Variants in ZNF215 observed in about 807,000 individuals in gnomAD.
The protein encoded by ZNF215 is BWSCR2-associated zinc finger protein 2.
Under a neutral mutation model 27.2 loss-of-function variants are expected in ZNF215, and 24 were observed. That is an observed-to-expected ratio of 0.88 (90% CI 0.64 to 1.24). ZNF215 has a LOEUF of 1.24. ZNF215 is among the 50% of genes most tolerant of loss of function. ZNF215 has a pLI of 0.00. For synonymous variants in ZNF215, 210 were observed against 204.0 expected, an observed-to-expected ratio of 1.03 and a Z score of -0.25; for missense variants, 675 against 605.7, an observed-to-expected ratio of 1.11 and a Z score of -1.20.
intron 2 of ZNF215, among the ~76,000 whole-genome samples, chr11:6,930,512 C>G (rs1210028242): frequency 6.6e-6 from 1 of 152,164 alleles, no homozygotes; most frequent in African/African-American, 2.4e-5. Context: ...CTGGCTCTTA[C>G]CACTCATCTG....
At chr11:6,984,299 G>C (rs1299579037) in exon 6 of ZNF215, 1 of 247,484 alleles carries the variant, frequency 4.0e-6, no homozygotes, top group Non-Finnish European at 8.1e-6. Flanking sequence ...AGTAGAAATG[G>C]GGTTTCACCA....
Position 6,957,974 on chromosome 11 carries a change from A to C in ZNF215, c.*1443A>C, listed in dbSNP as rs934676260. ...TAATGATGATGGTAGCTTTTTGTGA[A>C]GGTTCATACCTTATTCAAAGGCAGA... On this transcript the variant is annotated 3_prime_UTR_variant, in exon 7 of 7. Coordinates refer to ENST00000278319, the MANE Select transcript of ZNF215 (RefSeq NM_013250.4). 2.0e-6 allele frequency: 2 copies of C among 985,334 alleles called. No individual in the cohort carries two copies. Among genetic ancestry groups the C allele is most frequent in the African/African-American group, 1.7e-5 (1 of 57,246 alleles). 61.0% of individuals were successfully genotyped at this position (985,334 alleles called of 1,614,324 possible).
downstream of ZNF215, among the ~76,000 whole-genome samples, chr11:6,960,999 A>G (rs534593940): frequency 2.6e-5 from 4 of 152,274 alleles, no homozygotes; most frequent in East Asian, 7.7e-4. Flanking sequence ...ACTTACCAGA[A>G]TAGGTTGCTC....
intron 5 of ZNF215, among the ~76,000 whole-genome samples, chr11:6,981,690 T>C (rs1590088648): frequency 6.6e-6 from 1 of 152,362 alleles, no homozygotes; most frequent in East Asian, 1.9e-4. Context: ...TGCCCATGCC[T>C]ATGTCTTGAA....
At chr11:6,984,847 TA>T (rs5789494), downstream of ZNF215, among the ~76,000 whole-genome samples, 48,223 of 135,470 alleles carry the variant, frequency 0.36, 7,978 homozygotes, top group African/African-American at 0.44. Context: ...CTTATAGAAA[TA>T]AAAAATAGTT....
downstream of ZNF215, among the ~76,000 whole-genome samples, chr11:6,990,153 G>A (rs1476772512): frequency 1.3e-5 from 2 of 152,258 alleles, no homozygotes; most frequent in South Asian, 2.1e-4. Flanking sequence ...TTGTAATTAA[G>A]CTTTTTCTAT....
chr11:6,945,247 T>C (rs995709236), intron 6 of ZNF215, among the ~76,000 whole-genome samples: 1 of 152,288 alleles, frequency 6.6e-6, no homozygotes, highest in South Asian at 2.1e-4. Context: ...CCCGCTCCCA[T>C]TGTGCTTTGG....
In ZNF215 at chr11:6,927,626, T is replaced by C. The variant is rs1367342203; in HGVS notation, c.-325-36T>C. 2.6e-5 allele frequency: 4 copies of C among 152,216 alleles called. No homozygotes were observed. In the East Asian group the frequency reaches 7.7e-4, roughly 29 times the overall value. The allele number at this position is 152,216 out of a possible 1,614,324, so 9.4% of individuals were successfully genotyped here. ...GAGGCATCTATTCAGTACTTTAGAG[T>C]TTAACTGTTATATTTCCTGGCTTTG... is the stretch of plus-strand genomic sequence containing the variant. On this transcript the variant is annotated intron_variant, in intron 1 of 6. Transcript: ENST00000278319.
intron 5 of ZNF215, among the ~76,000 whole-genome samples, chr11:6,971,880 A>C (rs548437053): frequency 5.3e-5 from 8 of 152,172 alleles, no homozygotes; most frequent in Non-Finnish European, 1.0e-4. Context: ...AGGGTTAGCC[A>C]TTGTCTCTTA....
At chr11:6,934,477 C>T (rs1035078069) in intron 3 of ZNF215, among the ~76,000 whole-genome samples, 1 of 152,110 alleles carries the variant, frequency 6.6e-6, no homozygotes, top group African/African-American at 2.4e-5. Flanking sequence ...CATCAGAGAT[C>T]CAACACGGGT....
rs780015579 is a variant in ZNF215, at chr11:6,941,637, G to C, written c.467G>C (p.Arg156Pro). Residue 156 changes from arginine to proline, a missense_variant, in exon 4 of 7, where the codon CGA becomes CCA. Coordinates refer to ENST00000278319, the MANE Select transcript of ZNF215 (RefSeq NM_013250.4). ...AAGGAGAAAATGAAAGCTGGCTCAC[G>C]AACAGGCAAACCACAGGTGAATTAG... Reference protein sequence around the residue: ...SIKEKMKAGSRTGKPQEPVTF... With the variant: ...SIKEKMKAGSPTGKPQEPVTF... The C allele has an allele frequency of 6.8e-6, 11 of 1,613,968 alleles. No individual in the cohort carries two copies. The South Asian group carries it at 1.1e-4, about 16-fold the overall frequency.
At chr11:6,962,815 A>C (rs1207519208), downstream of ZNF215, among the ~76,000 whole-genome samples, 1 of 151,944 alleles carries the variant, frequency 6.6e-6, no homozygotes, top group Admixed American at 6.6e-5. Flanking sequence ...AAGTTTGCAA[A>C]CCTCTGATCT....
Position 6,956,621 on chromosome 11 carries a change from A to G in ZNF215, c.*90A>G. ...TGCTGGATAAAATCTCATGAATATAATGTAAGAAAACATTTGTCAGATTTT... is the reference window on the plus strand; with the variant it reads ...TGCTGGATAAAATCTCATGAATATAGTGTAAGAAAACATTTGTCAGATTTT... On this transcript the variant is annotated 3_prime_UTR_variant, in exon 7 of 7. Transcript: ENST00000278319. 2.8e-6 allele frequency: 4 copies of G among 1,439,546 alleles called. No homozygotes were observed. The South Asian group carries it at 6.5e-5, about 24-fold the overall frequency. 89.2% of individuals were successfully genotyped at this position (1,439,546 alleles called of 1,614,324 possible). A position where few individuals can be genotyped will look rare whatever the true frequency, so the allele number is the denominator to read the frequency against.
At chr11:6,952,175 AG>A (rs1390962562) in intron 6 of ZNF215, among the ~76,000 whole-genome samples, 1 of 152,176 alleles carries the variant, frequency 6.6e-6, no homozygotes, top group Non-Finnish European at 1.5e-5. Flanking sequence ...GTTTTGGAAT[AG>A]GTGTGGTGTG....
At position 6,955,861 on chromosome 11, in the gene ZNF215, A is replaced by T; in HGVS notation, c.884A>T (p.Tyr295Phe). 6.2e-7 allele frequency: 1 copy of T among 1,611,688 alleles called. No individual in the cohort carries two copies. Among genetic ancestry groups the T allele is most frequent in the East Asian group, 2.2e-5 (1 of 44,856 alleles). ...PQEAFIPETIYTEEEDFECSE... is the reference protein window; with the variant it reads ...PQEAFIPETIFTEEEDFECSE... ...GAGGCTTTCATTCCTGAGACAATTT[A>T]CACTGAGGAGGAAGATTTTGAATGT... The change falls in exon 7 of 7, where the codon TAC becomes TTC. Residue 295 changes from tyrosine to phenylalanine, a missense_variant. Coordinates refer to ENST00000278319, the MANE Select transcript of ZNF215 (RefSeq NM_013250.4).
intron 5 of ZNF215, among the ~76,000 whole-genome samples, chr11:6,973,582 C>A (rs565917219): frequency 6.6e-6 from 1 of 152,046 alleles, no homozygotes; most frequent in African/African-American, 2.4e-5. Flanking sequence ...TTTTAATGAT[C>A]GCCATTCTAA....
intron 5 of ZNF215, among the ~76,000 whole-genome samples, chr11:6,972,918 T>TA (rs1850746809): frequency 6.6e-6 from 1 of 151,488 alleles, no homozygotes; most frequent in African/African-American, 2.4e-5. Flanking sequence ...TTAATTTTTT[T>TA]TATTATACTT....
intron 5 of ZNF215, among the ~76,000 whole-genome samples, chr11:6,963,253 T>A (rs1850554021): frequency 6.6e-6 from 1 of 151,916 alleles, no homozygotes; most frequent in South Asian, 2.1e-4. Flanking sequence ...TGACCCCTGA[T>A]TAGGCCTATC....
intron 5 of ZNF215, among the ~76,000 whole-genome samples, chr11:6,981,884 G>T (rs549222124): frequency 6.7e-4 from 102 of 152,120 alleles, no homozygotes; most frequent in African/African-American, 2.3e-3. Context: ...CCTATTGCTT[G>T]TTTTTCTCAG....
Sources: allele counts gnomAD v4.1 joint callset (sites outside exome capture counted in the v4.1 genomes callset), GRCh38; gene constraint gnomAD v4.1.1; transcripts MANE v1.5; gene names NCBI Gene and HGNC (gene_info 2026-07-23, HGNC 2026-07-21).